NHS: variants seen among roughly 807,000 people sequenced by gnomAD.
NHS encodes NHS actin remodeling regulator, also known as actin remodeling regulator NHS.
In NHS, 5 loss-of-function variants were observed where a neutral mutation model predicts 72.5. The observed-to-expected ratio is 0.07, with a 90% CI of 0.04 to 0.14. The LOEUF (loss-of-function observed/expected upper bound fraction) is 0.14, where lower values mean the gene tolerates loss of function less well. Among genes scored for constraint, NHS ranks in the 10% least tolerant of loss-of-function variants. The probability of loss-of-function intolerance (pLI) is 1.00; values close to 1 mark genes in which losing one functional copy is unlikely to be tolerated. For synonymous variants in NHS, 464 were observed against 547.7 expected (o/e 0.85, Z 2.13); for missense variants, 1,072 against 1,355.7 (o/e 0.79, Z 3.29).
chrX:17,441,171 G>A (rs2064751427), intron 1 of NHS, among the ~76,000 whole-genome samples: 1 of 112,387 alleles, frequency 8.9e-6, no homozygotes, highest in Non-Finnish European at 1.9e-5. Flanking sequence ...TGGGGAAGAG[G>A]GAGCTCCCGA....
chrX:17,455,871 C>T (rs1236867494), intron 1 of NHS, among the ~76,000 whole-genome samples: 4 of 111,419 alleles, frequency 3.6e-5, no homozygotes, highest in Non-Finnish European at 7.5e-5. Context: ...CTAAATGCCA[C>T]CATGTTGCTA....
intron 3 of NHS, among the ~76,000 whole-genome samples, chrX:17,717,902 C>T (rs1030350739): frequency 6.2e-5 from 7 of 112,007 alleles, no homozygotes; most frequent in Non-Finnish European, 1.1e-4. Flanking sequence ...ATCACTCCAA[C>T]GAAAGCAAAT....
intron 1 of NHS, among the ~76,000 whole-genome samples, chrX:17,487,189 C>T (rs922893720): frequency 3.6e-5 from 4 of 112,220 alleles, no homozygotes; most frequent in African/African-American, 1.3e-4. Flanking sequence ...ATTTACTAAG[C>T]ACGAGGACAC....
intron 1 of NHS, among the ~76,000 whole-genome samples, chrX:17,504,084 A>T (rs2065046559): frequency 8.9e-6 from 1 of 112,039 alleles, no homozygotes; most frequent in Admixed American, 9.4e-5. Context: ...AACCAATTCA[A>T]CTTTGATTAT....
In NHS at chrX:17,610,581, T is replaced by G. The variant is rs181500015; in HGVS notation, c.566-77161T>G. Among the ~76,000 whole-genome samples the G allele has an allele frequency of 1.8e-3, 197 of 111,925 alleles. 2 individuals are homozygous for G. The highest frequency in any genetic ancestry group is 0.014 in the Admixed American group (148 of 10,595). ...CCTTTAGTGCTGCCATTATGAAGAC[T>G]TAATTCCAATACATCAAGCTGAACC... On this transcript the variant is annotated intron_variant, in intron 1 of 8. Transcript: ENST00000676302.
chrX:17,491,446 A>T (rs2064990656), intron 1 of NHS, among the ~76,000 whole-genome samples: 1 of 112,106 alleles, frequency 8.9e-6, no homozygotes, highest in Non-Finnish European at 1.9e-5. Flanking sequence ...ATGTTGAACC[A>T]GCCTTGCATC....
At chrX:17,581,932 C>A (rs868719640) in intron 1 of NHS, among the ~76,000 whole-genome samples, 1 of 111,809 alleles carries the variant, frequency 8.9e-6, no homozygotes, top group South Asian at 3.8e-4. Context: ...AAAAAAGAAA[C>A]AAAAAAGATT....
At chrX:17,458,600 C>G (rs1387535704) in intron 1 of NHS, among the ~76,000 whole-genome samples, 2 of 110,924 alleles carry the variant, frequency 1.8e-5, no homozygotes, top group African/African-American at 6.6e-5. Flanking sequence ...TCAAGCAATT[C>G]TCCTGCCTCA....
At chrX:17,570,214 G>A (rs1296538342) in intron 1 of NHS, among the ~76,000 whole-genome samples, 3 of 111,947 alleles carry the variant, frequency 2.7e-5, no homozygotes, top group East Asian at 5.6e-4. Context: ...AAGAAAGTCA[G>A]TGGTAGCTTG....
At chrX:17,613,961 G>A (rs116537349) in intron 1 of NHS, among the ~76,000 whole-genome samples, 7,261 of 112,064 alleles carry the variant, frequency 0.065, 551 homozygotes, top group African/African-American at 0.22. Flanking sequence ...TGATTAATCT[G>A]CTAGTAGACC....
intron 1 of NHS, among the ~76,000 whole-genome samples, chrX:17,583,291 G>A (rs767995331): frequency 2.7e-5 from 3 of 111,403 alleles, no homozygotes; most frequent in South Asian, 3.8e-4. Flanking sequence ...GTCAGGTGGC[G>A]GTAAGTGCTA....
chrX:17,644,485 C>T (rs1249767147), intron 1 of NHS, among the ~76,000 whole-genome samples: 2 of 111,639 alleles, frequency 1.8e-5, no homozygotes, highest in African/African-American at 6.5e-5. Context: ...GGGAAGCCTT[C>T]CCTGAAATTG....
Position 17,375,227 on chromosome X carries a change from GC to G in NHS, c.-528del, listed in dbSNP as rs1463936166. Among the ~76,000 whole-genome samples the G allele has an allele frequency of 8.9e-6, 1 of 111,881 alleles. No individual in the cohort carries two copies. The highest frequency in any genetic ancestry group is 3.3e-5 in the African/African-American group (1 of 30,768). On this transcript the variant is annotated 5_prime_UTR_variant, in exon 1 of 9. Coordinates refer to ENST00000676302, the MANE Select transcript of NHS (RefSeq NM_001291867.2). The stretch of plus-strand genomic sequence containing the variant: ...AGCGCCTTTCCGAAACCTCCTCCCC[GC>G]CCAGCCAGGGAGAGAGATCCCGGGC...
intron 1 of NHS, among the ~76,000 whole-genome samples, chrX:17,459,252 C>T (rs992576816): frequency 8.9e-6 from 1 of 112,067 alleles, no homozygotes; most frequent in African/African-American, 3.2e-5. Flanking sequence ...TATTTCCTTC[C>T]CTCTCAGAAA....
chrX:17,491,350 A>T (rs1244405072), intron 1 of NHS, among the ~76,000 whole-genome samples: 1 of 111,832 alleles, frequency 8.9e-6, no homozygotes, highest in Non-Finnish European at 1.9e-5. Context: ...ATTTTATTGA[A>T]GGCCTTGTCT....
At chrX:17,554,154 G>C (rs2065353064) in intron 1 of NHS, among the ~76,000 whole-genome samples, 1 of 112,153 alleles carries the variant, frequency 8.9e-6, no homozygotes, top group South Asian at 3.7e-4. Flanking sequence ...GTCCATATTT[G>C]TCTCCCTCTT....
At chrX:17,389,350 A>G (rs1431350568) in intron 1 of NHS, among the ~76,000 whole-genome samples, 1 of 111,785 alleles carries the variant, frequency 8.9e-6, no homozygotes, top group Non-Finnish European at 1.9e-5. Context: ...GCACAGAAGA[A>G]GATAATTCCA....
chrX:17,732,675 T>G lies in NHS; in HGVS notation c.*211T>G. 1 of 472,208 alleles carries G rather than the reference T, an allele frequency of 2.1e-6. No individual in the cohort carries two copies. The allele number at this position is 472,208 out of a possible 1,213,427, so 38.9% of individuals were successfully genotyped here. A position where few individuals can be genotyped will look rare whatever the true frequency, so the allele number is the denominator to read the frequency against. ...TTCCATATTTTAAGTAGCTGCAGTC[T>G]TTCATGTTTTTCTTTAGCATAGTTT... On this transcript the variant is annotated 3_prime_UTR_variant, in exon 9 of 9. Coordinates refer to ENST00000676302, the MANE Select transcript of NHS (RefSeq NM_001291867.2).
At chrX:17,623,368 G>A (rs1174264820) in intron 1 of NHS, among the ~76,000 whole-genome samples, 1 of 111,939 alleles carries the variant, frequency 8.9e-6, no homozygotes, top group Admixed American at 9.4e-5. Flanking sequence ...CTGGACACAC[G>A]GCCAGGAAGA....
Sources: allele counts gnomAD v4.1 joint callset (sites outside exome capture counted in the v4.1 genomes callset), GRCh38; gene constraint gnomAD v4.1.1; transcripts MANE v1.5; gene names NCBI Gene and HGNC (gene_info 2026-07-23, HGNC 2026-07-21).